The following ALG14 variants were observed in gnomAD, a reference collection of about 807,000 sequenced individuals.
ALG14 encodes ALG14 UDP-N-acetylglucosaminyltransferase subunit.
Under a neutral mutation model 22.8 loss-of-function variants are expected in ALG14, and 17 were observed. The observed-to-expected ratio is 0.75, with a 90% confidence interval of 0.51 to 1.12. ALG14 has a LOEUF of 1.12. Ranked by LOEUF, ALG14 falls within the 50% of genes most tolerant of loss-of-function variation. ALG14 has a pLI of 0.00. For synonymous variants in ALG14, 89 were observed against 103.7 expected, an observed-to-expected ratio of 0.86 and a Z score of 0.86; for missense variants, 288 against 271.8, an observed-to-expected ratio of 1.06 and a Z score of -0.42.
At chr1:95,006,398 G>T (rs1673222585) in intron 3 of ALG14, among the ~76,000 whole-genome samples, 1 of 152,064 alleles carries the variant, frequency 6.6e-6, no homozygotes, top group South Asian at 2.1e-4. Flanking sequence ...ATATAAAAAG[G>T]ATTACAATAG....
In ALG14 at chr1:95,028,552, TCA is replaced by T. The variant is rs530639907; in HGVS notation, c.289-1294_289-1293del. ...CTGGAACTGGGCTGGGCACAGTGGC[TCA>T]CACCTGTAATGCGAGCACTCTGGGA... On this transcript the variant is annotated intron_variant, in intron 2 of 3. Coordinates refer to ENST00000370205, the MANE Select transcript of ALG14 (RefSeq NM_144988.4). Among the ~76,000 whole-genome samples the T allele has an allele frequency of 2.6e-3, 391 of 152,298 alleles. 1 individual carries two copies. The highest frequency in any genetic ancestry group is 6.8e-3 in the Middle Eastern group (2 of 294).
intron 2 of ALG14, among the ~76,000 whole-genome samples, chr1:95,040,171 C>CT (rs1674334988): frequency 9.4e-6 from 1 of 106,022 alleles, no homozygotes; most frequent in African/African-American, 4.7e-5. Context: ...GACCCTGTCT[C>CT]AAAATAAATA....
intron 1 of ALG14, among the ~76,000 whole-genome samples, chr1:95,070,657 G>T (rs1348015176): frequency 6.6e-6 from 1 of 152,132 alleles, no homozygotes; most frequent in Non-Finnish European, 1.5e-5. Flanking sequence ...TGAGCCCTTT[G>T]ATTATTTTAG....
rs1557657627 is a variant in ALG14, at chr1:95,064,873, C to T, written c.281G>A (p.Ser94Asn). ...ATAGAAATTGTCACTTACCATGTTA[C>T]TAGGGTCTCTATCAGCTCGATCTAG... is the stretch of plus-strand genomic sequence containing the variant. ...FELDRADRDPSNMYTKYYIHR... is the reference protein window; with the variant it reads ...FELDRADRDPNNMYTKYYIHR... The change falls in exon 2 of 4, where the codon AGT becomes AAT. Residue 94 changes from serine to asparagine, a missense_variant. Ser to Asn is a conservative substitution (Grantham distance 46, BLOSUM62 1). Transcript: ENST00000370205. 1 of 1,611,592 alleles carries T rather than the reference C, an allele frequency of 6.2e-7. No homozygotes were observed. Among genetic ancestry groups the T allele is most frequent in the African/African-American group, 1.3e-5 (1 of 74,946 alleles).
intron 1 of ALG14, among the ~76,000 whole-genome samples, chr1:95,066,113 G>A (rs2100843751): frequency 6.6e-6 from 1 of 152,076 alleles, no homozygotes; most frequent in East Asian, 1.9e-4. Flanking sequence ...CTACCTACAA[G>A]GCTTCCTCCA....
intron 1 of ALG14, chr1:95,067,141 T>TTTTA (rs920230718): frequency 2.6e-4 from 40 of 152,342 alleles, no homozygotes; most frequent in African/African-American, 7.7e-4. Context: ...GGGTTCTTAA[T>TTTTA]GCTCAATCGC....
intron 3 of ALG14, among the ~76,000 whole-genome samples, chr1:95,020,481 G>A (rs972299176): frequency 6.6e-6 from 1 of 151,062 alleles, no homozygotes; most frequent in Non-Finnish European, 1.5e-5. Context: ...GCTCACTCCT[G>A]TAATCCCAGC....
intron 2 of ALG14, among the ~76,000 whole-genome samples, chr1:95,045,828 A>G (rs1674530663): frequency 6.7e-6 from 1 of 149,410 alleles, no homozygotes; most frequent in Non-Finnish European, 1.5e-5. Context: ...TAGAATTAAT[A>G]TACTAATAGA....
intron 2 of ALG14, among the ~76,000 whole-genome samples, chr1:95,049,871 A>C (rs1009530799): frequency 1.3e-5 from 2 of 152,154 alleles, no homozygotes; most frequent in Non-Finnish European, 2.9e-5. Flanking sequence ...ATCCCGTCCC[A>C]AAAAAATAAA....
chr1:95,003,098 G>A (rs969429396), intron 3 of ALG14, among the ~76,000 whole-genome samples: 1 of 152,188 alleles, frequency 6.6e-6, no homozygotes, highest in Non-Finnish European at 1.5e-5. Flanking sequence ...ATTTAGCAGA[G>A]TATTAACTAT....
chr1:94,991,396 C>T (rs1435034031), intron 3 of ALG14, among the ~76,000 whole-genome samples: 1 of 152,226 alleles, frequency 6.6e-6, no homozygotes, highest in Non-Finnish European at 1.5e-5. Flanking sequence ...ACTACTTCTC[C>T]TAGACCACAA....
intron 2 of ALG14, among the ~76,000 whole-genome samples, chr1:95,032,014 G>C (rs1466621326): frequency 1.3e-5 from 2 of 151,992 alleles, no homozygotes; most frequent in Non-Finnish European, 1.5e-5. Flanking sequence ...TCACCATGTT[G>C]GTCAGGCTGG....
chr1:95,049,560 A>G (rs1355123505), intron 2 of ALG14, among the ~76,000 whole-genome samples: 2 of 152,014 alleles, frequency 1.3e-5, no homozygotes, highest in Non-Finnish European at 2.9e-5. Flanking sequence ...AAAAATAAAA[A>G]ATAAGGGCCA....
chr1:95,036,616 G>A (rs1207155463), intron 2 of ALG14, among the ~76,000 whole-genome samples: 1 of 151,618 alleles, frequency 6.6e-6, no homozygotes, highest in Admixed American at 6.6e-5. Flanking sequence ...TAGTAGAGAC[G>A]GGGTTTCACC....
chr1:94,992,469 C>G (rs943235336), intron 3 of ALG14, among the ~76,000 whole-genome samples: 2 of 152,012 alleles, frequency 1.3e-5, no homozygotes, highest in African/African-American at 4.8e-5. Context: ...GAATCAGATA[C>G]TGATAAGAGC....
rs1047348310 is a variant in ALG14, at chr1:94,980,317, C to A, written c.*2759G>T. The A allele has an allele frequency of 2.0e-4, 30 of 150,966 alleles. No individual in the cohort carries two copies. Among genetic ancestry groups the A allele is most frequent in the African/African-American group, 6.3e-4 (26 of 41,142 alleles). The allele number at this position is 150,966 out of a possible 1,614,324, so 9.4% of individuals were successfully genotyped here. ...GTTTCCTGTCATGATTTTTGGGCAT[C>A]CTTTTTGAAACAGTTAGACATTCTG... On this transcript the variant is annotated 3_prime_UTR_variant, in exon 4 of 4. Transcript: ENST00000370205.
chr1:95,026,086 C>T (rs533816309), intron 3 of ALG14, among the ~76,000 whole-genome samples: 2 of 152,270 alleles, frequency 1.3e-5, no homozygotes, highest in East Asian at 3.9e-4. Flanking sequence ...GCGCCCACCA[C>T]CACGGCCGGC....
chr1:95,056,008 C>CAAAA (rs71588538), intron 2 of ALG14, among the ~76,000 whole-genome samples: 1 of 107,094 alleles, frequency 9.3e-6, no homozygotes, highest in Admixed American at 1.0e-4. Context: ...GACTCTGTCT[C>CAAAA]AAAAAAAAAA....
In ALG14 at chr1:95,002,244, TG is replaced by T. The variant is rs373412759; in HGVS notation, c.421-18939del. On this transcript the variant is annotated intron_variant, in intron 3 of 3. Coordinates refer to ENST00000370205, the MANE Select transcript of ALG14 (RefSeq NM_144988.4). Reference sequence around the variant, plus strand: ...ATATTGATAAAGCCCTGTAAGTACCTGGGGGGGGGAACCTGGAAGGTGGGGA... The same window carrying T: ...ATATTGATAAAGCCCTGTAAGTACCTGGGGGGGGAACCTGGAAGGTGGGGA... 3.5e-3 allele frequency among the ~76,000 whole-genome samples: 517 copies of T among 148,582 alleles called. 1 individual carries two copies. Among genetic ancestry groups the T allele is most frequent in the African/African-American group, 0.012 (469 of 40,054 alleles).
Sources: gnomAD v4.1 joint callset for allele counts (sites outside exome capture counted in the v4.1 genomes callset) on GRCh38, gnomAD v4.1.1 for gene constraint, MANE v1.5 for transcripts, NCBI Gene and HGNC (gene_info 2026-07-23, HGNC 2026-07-21) for gene names.